Variants in METTL15 observed in about 807,000 individuals in gnomAD.
METTL15 encodes the protein 12S rRNA N(4)-cytidine methyltransferase METTL15.
In METTL15, 34 loss-of-function variants were observed where a neutral mutation model predicts 38.3. That is an observed-to-expected ratio of 0.89 (90% confidence interval 0.68 to 1.18). METTL15 has a LOEUF of 1.18. Among genes scored for constraint, METTL15 ranks in the 50% most tolerant of loss-of-function variants. The pLI, the probability that METTL15 is intolerant of heterozygous loss-of-function variation, is 0.00. For synonymous variants in METTL15, 162 were observed against 170.9 expected (o/e 0.95, Z 0.41); for missense variants, 438 against 498.4 (o/e 0.88, Z 1.15).
intron 3 of METTL15, among the ~76,000 whole-genome samples, chr11:28,120,843 C>T (rs529341898): frequency 6.6e-6 from 1 of 152,264 alleles, no homozygotes; most frequent in Admixed American, 6.5e-5. Flanking sequence ...CTTCTCTTGA[C>T]TGCTTCAGAA....
intron 5 of METTL15, among the ~76,000 whole-genome samples, chr11:28,415,155 G>GT (rs1156954676): frequency 6.6e-6 from 1 of 152,142 alleles, no homozygotes; most frequent in Non-Finnish European, 1.5e-5. Flanking sequence ...ACAAGTTCTT[G>GT]AAGACTTTAA....
intron 3 of METTL15, among the ~76,000 whole-genome samples, chr11:28,207,195 A>G (rs182754308): frequency 0.033 from 4,998 of 151,522 alleles, 301 homozygotes; most frequent in African/African-American, 0.11. Context: ...CCAGTTTTCA[A>G]AGGGAATGCT....
At chr11:28,524,447 T>C (rs1191382522) in intron 6 of METTL15, among the ~76,000 whole-genome samples, 1 of 152,220 alleles carries the variant, frequency 6.6e-6, no homozygotes, top group Non-Finnish European at 1.5e-5. Flanking sequence ...GAAATAATCT[T>C]GGGCATAGTC....
intron 3 of METTL15, among the ~76,000 whole-genome samples, chr11:28,204,696 GTATATAAC>G (rs1370306377): frequency 6.6e-6 from 1 of 151,804 alleles, no homozygotes; most frequent in Non-Finnish European, 1.5e-5. Context: ...TGTAAAATGT[GTATATAAC>G]ATCTAATGAC....
chr11:28,445,334 C>G (rs1245773104), intron 6 of METTL15, among the ~76,000 whole-genome samples: 2 of 152,044 alleles, frequency 1.3e-5, no homozygotes, highest in East Asian at 1.9e-4. Flanking sequence ...TGTCTCATCT[C>G]TGTGTGTGTA....
chr11:28,194,122 A>ATCTTTCTTTTTCTT (rs1851801396), intron 3 of METTL15, among the ~76,000 whole-genome samples: 2 of 99,078 alleles, frequency 2.0e-5, no homozygotes, highest in Non-Finnish European at 4.0e-5. Flanking sequence ...TTGATGGTTG[A>ATCTTTCTTTTTCTT]TCTTTCTTTC....
At chr11:28,238,080 C>G (rs1042516611) in intron 4 of METTL15, among the ~76,000 whole-genome samples, 35 of 152,206 alleles carry the variant, frequency 2.3e-4, no homozygotes, top group African/African-American at 7.5e-4. Flanking sequence ...AGGAGGCAGT[C>G]TGCCCGTTCT....
At chr11:28,213,915 A>G (rs935069733) in intron 4 of METTL15, among the ~76,000 whole-genome samples, 4 of 152,092 alleles carry the variant, frequency 2.6e-5, no homozygotes, top group African/African-American at 9.7e-5. Flanking sequence ...TCGGCCTCCC[A>G]AAGTGCTGGG....
intron 6 of METTL15, among the ~76,000 whole-genome samples, chr11:28,300,858 TAA>T (rs1249254627): frequency 1.3e-5 from 2 of 152,148 alleles, no homozygotes; most frequent in Admixed American, 6.6e-5. Flanking sequence ...TTGTAAAATC[TAA>T]GAGATGAAAA....
intron 6 of METTL15, among the ~76,000 whole-genome samples, chr11:28,503,997 A>T (rs1470774479): frequency 6.6e-6 from 1 of 151,708 alleles, no homozygotes; most frequent in Non-Finnish European, 1.5e-5. Flanking sequence ...GGAGTTCAAG[A>T]CCAGCCTGAC....
intron 3 of METTL15, chr11:28,352,014 A>G (rs572459895): frequency 3.3e-5 from 5 of 152,252 alleles, no homozygotes; most frequent in Non-Finnish European, 5.9e-5. Flanking sequence ...GCAAGTGTAT[A>G]TAGTATAGGT....
At chr11:28,309,216 T>A (rs1442182290) in intron 6 of METTL15, among the ~76,000 whole-genome samples, 2 of 152,204 alleles carry the variant, frequency 1.3e-5, no homozygotes, top group Non-Finnish European at 2.9e-5. Context: ...ATATCTGGCT[T>A]CCATTTGGTT....
In METTL15 at chr11:28,160,311, T is replaced by C. The variant is rs372942385; in HGVS notation, c.270+46707T>C. 3.8e-4 allele frequency among the ~76,000 whole-genome samples: 58 copies of C among 152,124 alleles called. No homozygotes were observed. In the East Asian group the frequency reaches 0.01, roughly 27 times the overall value. On this transcript the variant is annotated intron_variant, in intron 3 of 6. Coordinates refer to ENST00000407364, the MANE Select transcript of METTL15 (RefSeq NM_001113528.2). ...ATATATTCCGTTAGTTCTGTTCCTT[T>C]AGAGAACCCTGACTAATACAAGCCT... is the stretch of plus-strand genomic sequence containing the variant.
At chr11:28,329,424 G>T (rs1360793875) in intron 6 of METTL15, among the ~76,000 whole-genome samples, 1 of 151,686 alleles carries the variant, frequency 6.6e-6, no homozygotes, top group East Asian at 1.9e-4. Flanking sequence ...AGATTATTTG[G>T]GCTGTTCTAG....
Position 28,433,491 on chromosome 11 carries a change from A to G in METTL15, c.*424+9127A>G, listed in dbSNP as rs542233024. 6.6e-5 allele frequency among the ~76,000 whole-genome samples: 10 copies of G among 152,342 alleles called. No homozygotes were observed. The South Asian group carries it at 2.1e-3, about 32-fold the overall frequency. The stretch of plus-strand genomic sequence containing the variant: ...CCCTAGACTTCAGTTTCTCATGTGT[A>G]AAATGGGGATAATATCAGTTCCTGT... On this transcript the variant is annotated intron_variant and NMD_transcript_variant, in intron 6 of 7. Transcript: ENST00000532947.
At chr11:28,252,649 G>T (rs1854795103) in intron 4 of METTL15, among the ~76,000 whole-genome samples, 1 of 151,768 alleles carries the variant, frequency 6.6e-6, no homozygotes, top group African/African-American at 2.4e-5. Context: ...ATTTTTCCCT[G>T]CCTGGGTTAT....
intron 4 of METTL15, among the ~76,000 whole-genome samples, chr11:28,234,818 C>G (rs368105654): frequency 6.9e-6 from 1 of 145,562 alleles, no homozygotes; most frequent in South Asian, 2.3e-4. Context: ...AATTAGATCC[C>G]ATTTGTCAAT....
chr11:28,318,700 C>T (rs1849355569), intron 6 of METTL15, among the ~76,000 whole-genome samples: 1 of 151,962 alleles, frequency 6.6e-6, no homozygotes, highest in African/African-American at 2.4e-5. Flanking sequence ...TTGTTCTCCT[C>T]ATCTTGCTTA....
chr11:28,297,141 A>G (rs2134002712), intron 6 of METTL15, among the ~76,000 whole-genome samples: 1 of 152,002 alleles, frequency 6.6e-6, no homozygotes, highest in Non-Finnish European at 1.5e-5. Flanking sequence ...TTCTCCCCCA[A>G]AAAACCTCTC....
Sources: allele counts gnomAD v4.1 joint callset (sites outside exome capture counted in the v4.1 genomes callset), GRCh38; gene constraint gnomAD v4.1.1; transcripts MANE v1.5; gene names NCBI Gene and HGNC (gene_info 2026-07-23, HGNC 2026-07-21).